Variants in SDK2 observed in about 807,000 individuals in gnomAD.
The protein encoded by SDK2 is protein sidekick-2.
In SDK2, 105 loss-of-function variants were observed where a neutral mutation model predicts 253.9. That is an observed-to-expected ratio of 0.41 (90% CI 0.35 to 0.49). SDK2 has a LOEUF of 0.49. Ranked by LOEUF, SDK2 falls within the 20% of genes least tolerant of loss-of-function variation. The pLI is 0.06. For missense variants in SDK2, 2,608 were observed against 3,003.0 expected (o/e 0.87, Z 3.07); for synonymous variants, 1,249 against 1,234.9 (o/e 1.01, Z -0.24).
chr17:73,449,708 G>A (rs2063478229), intron 4 of SDK2, among the ~76,000 whole-genome samples: 1 of 151,364 alleles, frequency 6.6e-6, no homozygotes, highest in South Asian at 2.1e-4. Flanking sequence ...ATCACCTGAG[G>A]TCGGGGGTTC....
intron 22 of SDK2, among the ~76,000 whole-genome samples, chr17:73,398,711 C>T (rs113663434): frequency 0.012 from 1,766 of 152,286 alleles, 36 homozygotes; most frequent in African/African-American, 0.04. Flanking sequence ...CAGAATCCCT[C>T]GAGTGCTGCC....
chr17:73,366,037 GGC>G, intron 37 of SDK2, among the ~76,000 whole-genome samples: 2 of 152,156 alleles, frequency 1.3e-5, no homozygotes, highest in Non-Finnish European at 2.9e-5. Context: ...ACAGAGGAAG[GGC>G]AGGAAGCGTC....
chr17:73,360,927 C>T (rs2062634377), intron 39 of SDK2, among the ~76,000 whole-genome samples: 1 of 147,382 alleles, frequency 6.8e-6, no homozygotes, highest in East Asian at 2.0e-4. Context: ...CAGAGCGAGA[C>T]TCTGTCTCCA....
At chr17:73,357,608 T>G (rs1333579311) in intron 40 of SDK2, 1 of 281,690 alleles carries the variant, frequency 3.5e-6, no homozygotes, top group Non-Finnish European at 6.8e-6. Flanking sequence ...CATCTCCTGA[T>G]GGCTTTGGAA....
At chr17:73,454,785 C>G (rs1333242664) in intron 4 of SDK2, among the ~76,000 whole-genome samples, 2 of 152,146 alleles carry the variant, frequency 1.3e-5, no homozygotes, top group African/African-American at 4.8e-5. Context: ...CTCACTGCAA[C>G]CTCTGACTCC....
intron 27 of SDK2, among the ~76,000 whole-genome samples, chr17:73,392,653 T>A (rs2062937514): frequency 6.6e-6 from 1 of 150,828 alleles, no homozygotes; most frequent in Admixed American, 6.6e-5. Context: ...TATTTAACGG[T>A]TCATTAGCTT....
At chr17:73,359,538 C>T (rs1425797770) in intron 39 of SDK2, among the ~76,000 whole-genome samples, 2 of 152,200 alleles carry the variant, frequency 1.3e-5, no homozygotes, top group Non-Finnish European at 2.9e-5. Context: ...AGGACAGAGC[C>T]TGCACCTTCT....
intron 1 of SDK2, among the ~76,000 whole-genome samples, chr17:73,508,516 T>C (rs1402846209): frequency 6.6e-6 from 1 of 152,054 alleles, no homozygotes; most frequent in Non-Finnish European, 1.5e-5. Flanking sequence ...TTTTTGTGGA[T>C]AGGGTGGGGC....
rs183029064 is a variant in SDK2, at chr17:73,577,185, A to G, written c.64+66840T>C. ...GAAATCCGGGTCCAGAGATGGACAC[A>G]GAAGAGTGAAGGAATTTCATCCACA... On this transcript the variant is annotated intron_variant, in intron 1 of 44. Coordinates refer to ENST00000392650, the MANE Select transcript of SDK2 (RefSeq NM_001144952.2). Among the ~76,000 whole-genome samples the G allele has an allele frequency of 1.2e-4, 18 of 152,362 alleles. No individual in the cohort carries two copies. In the East Asian group the frequency reaches 2.5e-3, roughly 21 times the overall value.
At chr17:73,486,917 G>A (rs890217284) in intron 2 of SDK2, among the ~76,000 whole-genome samples, 3 of 152,110 alleles carry the variant, frequency 2.0e-5, no homozygotes, top group Admixed American at 1.3e-4. Context: ...GGTGAGGGCA[G>A]TAGCTTGACT....
In SDK2 at chr17:73,392,695, G is replaced by A. The variant is rs76840280; in HGVS notation, c.3898+865C>T. On this transcript the variant is annotated intron_variant, in intron 27 of 44. Coordinates refer to ENST00000392650, the MANE Select transcript of SDK2 (RefSeq NM_001144952.2). ...TAATGTTAGCATATGCAAACATATG[G>A]TATTTGGGCTTCCTTCTGCACTCTG... Among the ~76,000 whole-genome samples the A allele has an allele frequency of 6.8e-3, 1,042 of 152,212 alleles. 9 individuals are homozygous for A. The highest frequency in any genetic ancestry group is 0.024 in the African/African-American group (999 of 41,524).
chr17:73,571,649 T>G (rs1326326789), intron 1 of SDK2, among the ~76,000 whole-genome samples: 1 of 152,184 alleles, frequency 6.6e-6, no homozygotes, highest in Admixed American at 6.5e-5. Context: ...CTCCGAGAGC[T>G]CTCCTCCTCG....
At chr17:73,468,171 C>A (rs2063616459) in intron 3 of SDK2, among the ~76,000 whole-genome samples, 1 of 152,128 alleles carries the variant, frequency 6.6e-6, no homozygotes, top group African/African-American at 2.4e-5. Context: ...AAGGTGCCAG[C>A]CTGCTGCATT....
rs1194228020 is a variant in SDK2 at position 73,361,387 on chromosome 17, A to G, written c.5467+297T>C. Among the ~76,000 whole-genome samples the G allele has an allele frequency of 6.6e-6, 1 of 152,170 alleles. No homozygotes were observed. Among genetic ancestry groups the G allele is most frequent in the Non-Finnish European group, 1.5e-5 (1 of 68,026 alleles). On this transcript the variant is annotated intron_variant, in intron 39 of 44. Coordinates refer to ENST00000392650, the MANE Select transcript of SDK2 (RefSeq NM_001144952.2). This position sits in a 1 kb window ranked among gnomAD's most constrained non-coding sequence, Gnocchi z 4.1. ...AGGAGGCCATGCAATTAGCAGGGAG[A>G]GAAAGAACGAAGCAGGCGCAGTGGC...
At chr17:73,408,690 A>G (rs536234059) in intron 18 of SDK2, among the ~76,000 whole-genome samples, 57 of 152,328 alleles carry the variant, frequency 3.7e-4, no homozygotes, top group Admixed American at 3.0e-3. Context: ...CAAATGACTA[A>G]GTTTCTTCCC....
intron 1 of SDK2, among the ~76,000 whole-genome samples, chr17:73,549,213 G>T (rs1171708801): frequency 6.6e-6 from 1 of 152,210 alleles, no homozygotes; most frequent in Non-Finnish European, 1.5e-5. Context: ...GGAGCAGGGA[G>T]GAGTAGAAGG....
At chr17:73,449,848 G>C (rs1157546670) in intron 4 of SDK2, among the ~76,000 whole-genome samples, 1 of 152,044 alleles carries the variant, frequency 6.6e-6, no homozygotes, top group African/African-American at 2.4e-5. Context: ...GCTTGAACCT[G>C]GGAGGCAGAG....
intron 1 of SDK2, among the ~76,000 whole-genome samples, chr17:73,549,002 C>G (rs1288052963): frequency 6.6e-6 from 1 of 152,256 alleles, no homozygotes; most frequent in Non-Finnish European, 1.5e-5. Flanking sequence ...CGGCTGCCTC[C>G]TGAAGAGACA....
At chr17:73,637,415 G>A (rs781208366) in intron 1 of SDK2, among the ~76,000 whole-genome samples, 1 of 152,178 alleles carries the variant, frequency 6.6e-6, no homozygotes, top group African/African-American at 2.4e-5. Flanking sequence ...GTTTTGCTCT[G>A]TCGCCCAGGC....
Sources: gnomAD v4.1 joint callset for allele counts (sites outside exome capture counted in the v4.1 genomes callset) on GRCh38, gnomAD v4.1.1 for gene constraint, Gnocchi (gnomAD v3.1) non-coding constraint, MANE v1.5 for transcripts, NCBI Gene and HGNC (gene_info 2026-07-23, HGNC 2026-07-21) for gene names.